CD244: variants seen among roughly 807,000 people sequenced by gnomAD.
CD244 encodes the protein CD244 molecule.
CD244 carries 20 observed loss-of-function variants against 45.5 expected under a neutral mutation model. The observed-to-expected ratio is 0.44, with a 90% confidence interval of 0.31 to 0.64. The LOEUF is 0.64. Among genes scored for constraint, CD244 ranks in the 30% least tolerant of loss-of-function variants. The pLI is 0.08. For synonymous variants in CD244, 185 were observed against 160.5 expected (o/e 1.15, Z -1.15); for missense variants, 407 against 426.9 (o/e 0.95, Z 0.41).
intron 1 of CD244, among the ~76,000 whole-genome samples, chr1:160,858,740 C>A (rs1478224915): frequency 6.6e-6 from 1 of 152,244 alleles, no homozygotes; most frequent in South Asian, 2.1e-4. Flanking sequence ...GGCAATCTAG[C>A]GCAAGCTCTC....
At chr1:160,838,915 C>T (rs1357441613) in intron 4 of CD244, 24 bp downstream of exon 4, 4 of 1,535,194 alleles carry the variant, frequency 2.6e-6, no homozygotes, top group Admixed American at 1.7e-5. Flanking sequence ...GGCAGGAGCA[C>T]CACCCTAAGG....
chr1:160,857,015 A>G (rs1670133490), intron 1 of CD244, among the ~76,000 whole-genome samples: 1 of 152,252 alleles, frequency 6.6e-6, no homozygotes, highest in Non-Finnish European at 1.5e-5. Context: ...ATCCGTTTAA[A>G]TTAATTAATT....
chr1:160,853,713 G>T (rs910390641), intron 1 of CD244, among the ~76,000 whole-genome samples: 25 of 149,322 alleles, frequency 1.7e-4, no homozygotes, highest in African/African-American at 6.2e-4. Flanking sequence ...AAGCCTGGGA[G>T]GCAGGGGTTG....
intron 1 of CD244, among the ~76,000 whole-genome samples, chr1:160,847,495 C>G (rs574510962): frequency 7.2e-5 from 11 of 152,006 alleles, no homozygotes; most frequent in Non-Finnish European, 1.2e-4. Flanking sequence ...GAAATCATAC[C>G]AATTATGCCC....
At chr1:160,850,098 T>A (rs1182510164) in intron 1 of CD244, among the ~76,000 whole-genome samples, 3 of 152,072 alleles carry the variant, frequency 2.0e-5, no homozygotes, top group Non-Finnish European at 1.5e-5. Flanking sequence ...ATATGAAAAA[T>A]TATTTGAGTG....
At chr1:160,838,851 C>T (rs1557833655) in intron 4 of CD244, 88 bp downstream of exon 4, 1 of 852,386 alleles carries the variant, frequency 1.2e-6, no homozygotes, top group African/African-American at 1.7e-5. Flanking sequence ...AGATGCTGTG[C>T]TCCCAGACAC....
chr1:160,848,131 T>C (rs1350457619), intron 1 of CD244: 3 of 449,452 alleles, frequency 6.7e-6, no homozygotes. Flanking sequence ...TTCTGAGCAC[T>C]AGAGAGAAAT....
At chr1:160,843,228 G>T (rs533936919) in intron 1 of CD244, among the ~76,000 whole-genome samples, 3 of 152,266 alleles carry the variant, frequency 2.0e-5, no homozygotes, top group South Asian at 2.1e-4. Context: ...AAACACATAG[G>T]TTCCCATTTA....
chr1:160,831,830 T>C (rs1669135825), intron 8 of CD244, among the ~76,000 whole-genome samples: 1 of 152,136 alleles, frequency 6.6e-6, no homozygotes, highest in African/African-American at 2.4e-5. Context: ...TCAGGTGTAG[T>C]ATGAGGCTAA....
In CD244 at chr1:160,834,071, A is replaced by G; in HGVS notation, c.940T>C (p.Leu314=). ...SQEPAYTLYS[L]IQPSRKSGSR... ...CTCACCTTCCTGGAAGGCTGAATTAATGAATATAATGTATATGCAGGTTCT... is the reference window on the plus strand; with the variant it reads ...CTCACCTTCCTGGAAGGCTGAATTAGTGAATATAATGTATATGCAGGTTCT... The change falls in exon 7 of 9, where the codon TTA becomes CTA. Residue 314 remains leucine (L), a synonymous_variant. Coordinates refer to ENST00000368034, the MANE Select transcript of CD244 (RefSeq NM_016382.4). 6.2e-7 allele frequency: 1 copy of G among 1,612,026 alleles called. No individual in the cohort carries two copies. The highest frequency in any genetic ancestry group is 8.5e-7 in the Non-Finnish European group (1 of 1,178,090).
chr1:160,833,653 C>G (rs1293680594), intron 7 of CD244, among the ~76,000 whole-genome samples: 3 of 152,216 alleles, frequency 2.0e-5, no homozygotes, highest in Non-Finnish European at 2.9e-5. Flanking sequence ...TAGATCCAGT[C>G]TACTCCTCCA....
At chr1:160,847,608 T>C (rs1023535846) in intron 1 of CD244, among the ~76,000 whole-genome samples, 4 of 151,950 alleles carry the variant, frequency 2.6e-5, no homozygotes, top group African/African-American at 9.7e-5. Context: ...AACCCATGAG[T>C]CAAAGAATAA....
chr1:160,844,095 C>G (rs1669640025), intron 1 of CD244, among the ~76,000 whole-genome samples: 1 of 152,224 alleles, frequency 6.6e-6, no homozygotes, highest in Non-Finnish European at 1.5e-5. Context: ...GATCTGGAAT[C>G]TCTGGTAGCC....
At chr1:160,840,348 G>A (rs185228085) in intron 3 of CD244, among the ~76,000 whole-genome samples, 4 of 152,084 alleles carry the variant, frequency 2.6e-5, no homozygotes, top group Admixed American at 6.5e-5. Flanking sequence ...TGCAACCTCC[G>A]CCTCCTGGGT....
At position 160,838,961 on chromosome 1, in the gene CD244, T is replaced by C; in HGVS notation, c.744A>G (p.Arg248=). Residue 248 remains arginine, a synonymous_variant, in exon 4 of 9, where the codon AGA becomes AGG. Transcript: ENST00000368034. ...CACCTGACTGCTTCTCCTTCCTCTTTCTCCTCCACACACAGAAGCAGGCAA... is the reference window on the plus strand; with the variant it reads ...CACCTGACTGCTTCTCCTTCCTCTTCCTCCTCCACACACAGAAGCAGGCAA... The part of the protein sequence containing the change: ...GTLACFCVWR[R]KRKEKQSETS... 6.2e-7 allele frequency: 1 copy of C among 1,613,794 alleles called. No homozygotes were observed. Among genetic ancestry groups the C allele is most frequent in the Non-Finnish European group, 8.5e-7 (1 of 1,179,770 alleles).
intron 1 of CD244, among the ~76,000 whole-genome samples, chr1:160,844,790 C>T (rs1466339031): frequency 6.6e-6 from 1 of 152,046 alleles, no homozygotes; most frequent in African/African-American, 2.4e-5. Flanking sequence ...CCCTGGCCAA[C>T]ATGGTAAAAC....
rs770608483 is a variant in CD244, at chr1:160,862,731, C to T, written c.-54G>A. On this transcript the variant is annotated 5_prime_UTR_variant, in exon 1 of 9. Transcript: ENST00000368034. ...CCCTCCACCCCACCAGACTCTCTGCCGTGCACGGGCTCAGCAGTCCCCAGT... is the reference window on the plus strand; with the variant it reads ...CCCTCCACCCCACCAGACTCTCTGCTGTGCACGGGCTCAGCAGTCCCCAGT... The T allele has an allele frequency of 5.8e-6, 9 of 1,543,718 alleles. No individual in the cohort carries two copies. The highest frequency in any genetic ancestry group is 3.4e-5 in the Admixed American group (2 of 58,820).
intron 5 of CD244, among the ~76,000 whole-genome samples, 170 bp downstream of exon 5, chr1:160,838,281 C>T (rs1669401096): frequency 6.6e-6 from 1 of 152,168 alleles, no homozygotes; most frequent in Non-Finnish European, 1.5e-5. Flanking sequence ...TCTTTTCCTC[C>T]ATCACCAGAA....
intron 1 of CD244, among the ~76,000 whole-genome samples, chr1:160,851,968 T>C (rs1669934712): frequency 6.6e-6 from 1 of 151,398 alleles, no homozygotes; most frequent in African/African-American, 2.4e-5. Flanking sequence ...ATTGAGAGAG[T>C]GAAAAAGCAA....
Sources: allele counts gnomAD v4.1 joint callset (sites outside exome capture counted in the v4.1 genomes callset), GRCh38; gene constraint gnomAD v4.1.1; transcripts MANE v1.5; gene names NCBI Gene and HGNC (gene_info 2026-07-23, HGNC 2026-07-21).